The following ENPP6 variants were observed in gnomAD, a reference collection of about 807,000 sequenced individuals.
ENPP6 encodes the protein ectonucleotide pyrophosphatase/phosphodiesterase 6.
A neutral mutation model predicts 42.0 loss-of-function variants in ENPP6; 32 were observed. The observed-to-expected ratio is 0.76, with a 90% confidence interval of 0.58 to 1.02. The LOEUF (loss-of-function observed/expected upper bound fraction) is 1.02. ENPP6 is among the 50% of genes least tolerant of loss of function. The pLI is 0.00. For missense variants in ENPP6, 552 were observed against 566.8 expected (o/e 0.97, Z 0.27); for synonymous variants, 213 against 216.0 (o/e 0.99, Z 0.12).
intron 6 of ENPP6, among the ~76,000 whole-genome samples, chr4:184,107,346 T>C (rs1485467214): frequency 6.6e-6 from 1 of 152,230 alleles, no homozygotes; most frequent in Non-Finnish European, 1.5e-5. Context: ...TTCTGTTTTA[T>C]CCTATGGGAA....
rs1289020292 is a variant in ENPP6 at position 184,117,912 on chromosome 4, G to A, written c.534-12C>T. 1 of 1,613,290 alleles carries A rather than the reference G, an allele frequency of 6.2e-7. No homozygotes were observed. Among genetic ancestry groups the A allele is most frequent in the Admixed American group, 1.7e-5 (1 of 59,962 alleles). ...CGGCCCGGCCACTCCTGGAGGGACA[G>A]AGGAGAGAGGCATAGGTGAGGGAGG... On this transcript the variant is annotated splice_polypyrimidine_tract_variant and intron_variant, in intron 3 of 7. Coordinates refer to ENST00000296741, the MANE Select transcript of ENPP6 (RefSeq NM_153343.4).
At chr4:184,104,624 G>T (rs1261603360) in intron 6 of ENPP6, among the ~76,000 whole-genome samples, 4 of 152,202 alleles carry the variant, frequency 2.6e-5, no homozygotes, top group Non-Finnish European at 5.9e-5. Flanking sequence ...CTTCCCTGTT[G>T]AAATTTCTTC....
intron 1 of ENPP6, among the ~76,000 whole-genome samples, chr4:184,172,726 G>A (rs1194055980): frequency 3.9e-5 from 6 of 152,148 alleles, no homozygotes; most frequent in African/African-American, 1.4e-4. Flanking sequence ...ACTTTAAAGG[G>A]TTTGATGTAG....
chr4:184,101,146 CAT>C (rs887564656), intron 6 of ENPP6, among the ~76,000 whole-genome samples: 4 of 151,356 alleles, frequency 2.6e-5, no homozygotes, highest in African/African-American at 7.3e-5. Context: ...CACATGTGTG[CAT>C]GTGTGTGTGA....
chr4:184,152,780 G>T (rs1474475933), intron 2 of ENPP6, among the ~76,000 whole-genome samples: 1 of 152,204 alleles, frequency 6.6e-6, no homozygotes, highest in Non-Finnish European at 1.5e-5. Flanking sequence ...CAGTTTGCAT[G>T]ACTACTTACC....
intron 1 of ENPP6, among the ~76,000 whole-genome samples, chr4:184,200,162 G>T (rs1732868311): frequency 6.6e-6 from 1 of 152,208 alleles, no homozygotes; most frequent in Admixed American, 6.5e-5. Context: ...AAGCAGCCAA[G>T]AACTGGCCTC....
intron 2 of ENPP6, among the ~76,000 whole-genome samples, chr4:184,148,831 A>G (rs1000326178): frequency 3.3e-5 from 5 of 152,234 alleles, no homozygotes; most frequent in African/African-American, 1.2e-4. Context: ...AGGTATGTGT[A>G]TGTTATCACA....
In ENPP6 at chr4:184,116,966, T is replaced by C. The variant is rs1021034253; in HGVS notation, c.745A>G (p.Met249Val). ...TTATTCAGCTCAATCACTTTGTCCA[T>C]CCAGAAAATGTCGGTCATTCCGTGA... ...SDHGMTDIFW[M>V]DKVIELNKYI... is the part of the protein sequence containing the mutation. The change falls in exon 5 of 8, where the codon ATG becomes GTG. Residue 249 changes from methionine (M) to valine (V), a missense_variant. By Grantham distance (21) the Met-to-Val change is conservative. Coordinates refer to ENST00000296741, the MANE Select transcript of ENPP6 (RefSeq NM_153343.4). 3.1e-6 allele frequency: 5 copies of C among 1,614,030 alleles called. No individual in the cohort carries two copies. The highest frequency in any genetic ancestry group is 4.2e-6 in the Non-Finnish European group (5 of 1,180,040).
Position 184,199,848 on chromosome 4 carries a change from C to T in ENPP6, c.241+17731G>A, listed in dbSNP as rs535384486. Among the ~76,000 whole-genome samples the T allele has an allele frequency of 5.9e-5, 9 of 152,338 alleles. No individual in the cohort carries two copies. The East Asian group carries it at 9.6e-4, about 16-fold the overall frequency. On this transcript the variant is annotated intron_variant, in intron 1 of 7. Transcript: ENST00000296741. ...AGCCCACCCCAGTCCCCCCACTTTCCGTCTGCTCCCACTCAGTGGGCCCTA... is the reference window on the plus strand; with the variant it reads ...AGCCCACCCCAGTCCCCCCACTTTCTGTCTGCTCCCACTCAGTGGGCCCTA...
intron 1 of ENPP6, among the ~76,000 whole-genome samples, chr4:184,200,588 A>G (rs950045161): frequency 1.4e-4 from 22 of 152,232 alleles, no homozygotes; most frequent in Non-Finnish European, 2.9e-4. Context: ...GCTAAACAGC[A>G]AGAGTGCAGG....
intron 1 of ENPP6, among the ~76,000 whole-genome samples, chr4:184,186,266 A>G (rs1732633120): frequency 6.6e-6 from 1 of 152,258 alleles, no homozygotes; most frequent in African/African-American, 2.4e-5. Context: ...TCCAGTGTGA[A>G]TGAAAATGAA....
chr4:184,153,207 C>T (rs574361146), intron 2 of ENPP6, among the ~76,000 whole-genome samples: 1 of 150,872 alleles, frequency 6.6e-6, no homozygotes, highest in African/African-American at 2.4e-5. Flanking sequence ...CTCACCACAA[C>T]CTCCGCCTCC....
chr4:184,208,289 G>A (rs1184703615), intron 1 of ENPP6, among the ~76,000 whole-genome samples: 1 of 152,188 alleles, frequency 6.6e-6, no homozygotes, highest in Non-Finnish European at 1.5e-5. Context: ...CGTGAGCGAT[G>A]CAGAAGATGG....
At chr4:184,209,666 G>T (rs2111123700) in intron 1 of ENPP6, among the ~76,000 whole-genome samples, 1 of 149,766 alleles carries the variant, frequency 6.7e-6, no homozygotes, top group South Asian at 2.1e-4. Context: ...CACTCTGCAG[G>T]ATATTATCCA....
chr4:184,198,207 C>A (rs1175134678), intron 1 of ENPP6, among the ~76,000 whole-genome samples: 1 of 152,376 alleles, frequency 6.6e-6, no homozygotes, highest in Non-Finnish European at 1.5e-5. Flanking sequence ...AAGGCTTCTG[C>A]CACAGAGCTG....
intron 1 of ENPP6, among the ~76,000 whole-genome samples, chr4:184,215,227 G>C (rs1273701857): frequency 6.6e-6 from 1 of 152,124 alleles, no homozygotes; most frequent in Non-Finnish European, 1.5e-5. Context: ...CAATAATTCG[G>C]GTAATGAAGT....
intron 2 of ENPP6, among the ~76,000 whole-genome samples, chr4:184,144,533 T>C (rs1227809943): frequency 5.9e-5 from 9 of 152,212 alleles, no homozygotes; most frequent in Non-Finnish European, 1.3e-4. Context: ...TGGGGTTCTC[T>C]GGAGAGACCC....
chr4:184,138,081 A>T (rs181840692), intron 2 of ENPP6, among the ~76,000 whole-genome samples: 3 of 152,382 alleles, frequency 2.0e-5, no homozygotes, highest in East Asian at 3.9e-4. Context: ...TTTAGAAATT[A>T]TCTTTACATT....
chr4:184,201,138 C>T (rs192232251), intron 1 of ENPP6, among the ~76,000 whole-genome samples: 2 of 152,274 alleles, frequency 1.3e-5, no homozygotes, highest in Non-Finnish European at 2.9e-5. Flanking sequence ...CCCAGCTCTG[C>T]CCCAGGTCTC....
Sources: gnomAD v4.1 joint callset for allele counts (sites outside exome capture counted in the v4.1 genomes callset) on GRCh38, gnomAD v4.1.1 for gene constraint, MANE v1.5 for transcripts, NCBI Gene and HGNC (gene_info 2026-07-23, HGNC 2026-07-21) for gene names.